Variants in KDM5B observed in about 807,000 individuals in gnomAD.
KDM5B encodes lysine demethylase 5B.
Under a neutral mutation model 193.4 loss-of-function variants are expected in KDM5B, and 144 were observed. That is an observed-to-expected ratio of 0.74 (90% confidence interval 0.65 to 0.86). The LOEUF (loss-of-function observed/expected upper bound fraction) is 0.86. Among genes scored for constraint, KDM5B ranks in the 40% least tolerant of loss-of-function variants. KDM5B has a pLI of 0.00. For synonymous variants in KDM5B, 668 were observed against 682.6 expected, an observed-to-expected ratio of 0.98 and a Z score of 0.33; for missense variants, 1,833 against 1,886.9, an observed-to-expected ratio of 0.97 and a Z score of 0.53.
intron 22 of KDM5B, among the ~76,000 whole-genome samples, chr1:202,734,295 A>AT (rs1253878601): frequency 2.2e-5 from 2 of 90,270 alleles, no homozygotes; most frequent in Non-Finnish European, 5.6e-5. Context: ...CATTATCTCT[A>AT]TTAAAAAAAA....
At chr1:202,747,957 A>C (rs774391569) in intron 14 of KDM5B, among the ~76,000 whole-genome samples, 17 of 152,140 alleles carry the variant, frequency 1.1e-4, no homozygotes, top group Non-Finnish European at 4.4e-5. Context: ...GAGATAAAAC[A>C]ATTTTTTAAA....
intron 1 of KDM5B, among the ~76,000 whole-genome samples, chr1:202,783,778 G>A (rs1268384427): frequency 6.6e-6 from 1 of 152,114 alleles, no homozygotes; most frequent in Non-Finnish European, 1.5e-5. Context: ...CTACTCAGGA[G>A]ACTGAGGTAG....
intron 4 of KDM5B, among the ~76,000 whole-genome samples, chr1:202,772,602 C>T (rs899267563): frequency 5.3e-5 from 8 of 152,186 alleles, no homozygotes; most frequent in African/African-American, 1.4e-4. Context: ...AAAATTTCCT[C>T]CACAATCTTA....
At chr1:202,762,934 A>T (rs1656311810) in intron 6 of KDM5B, 126 bp from the exon 7 acceptor site, 1 of 646,608 alleles carries the variant, frequency 1.5e-6, no homozygotes, top group African/African-American at 1.8e-5. Flanking sequence ...TAGTAGCAAT[A>T]GCACCCAGTA....
At chr1:202,756,641 G>T in intron 9 of KDM5B, 125 bp from the exon 10 acceptor site, 1 of 623,444 alleles carries the variant, frequency 1.6e-6, no homozygotes, top group Non-Finnish European at 2.4e-6. Flanking sequence ...TTCTATAATT[G>T]ATCTTAGGCA....
chr1:202,758,677 TAAGC>T (rs1483323198), intron 8 of KDM5B, among the ~76,000 whole-genome samples, 167 bp from the exon 9 acceptor site: 1 of 152,222 alleles, frequency 6.6e-6, no homozygotes, highest in Non-Finnish European at 1.5e-5. Context: ...GTTATTTTAA[TAAGC>T]AAGTGAAATA....
At chr1:202,799,140 G>A (rs1262669752) in intron 1 of KDM5B, among the ~76,000 whole-genome samples, 1 of 152,136 alleles carries the variant, frequency 6.6e-6, no homozygotes, top group Admixed American at 6.5e-5. Context: ...ATAAAGCTTT[G>A]GGATTTAAGC....
intron 23 of KDM5B, chr1:202,732,182 A>G: frequency 2.2e-6 from 1 of 449,164 alleles, no homozygotes. Flanking sequence ...CAGAGATGTA[A>G]AGAAGGCCAC....
Position 202,745,921 on chromosome 1 carries a change from A to G in KDM5B, c.2260T>C (p.Ser754Pro). The change falls in exon 16 of 27, where the codon TCT becomes CCT. Residue 754 changes from serine (S) to proline (P), a missense_variant. Physicochemically the swap from Ser to Pro is moderately conservative, Grantham distance 74. This residue lies in a region of KDM5B where 1,379 missense variants were observed against 1,349.6 expected (regional missense o/e 1.02). Transcript: ENST00000367265. ...MMNALKLRAE[S>P]YNEWALNVNE... Reference sequence around the variant, plus strand: ...ACATTCAAGGCCCATTCGTTGTAAGATTCTGCTCGAAGCTTCAATGCATTC... The same window carrying G: ...ACATTCAAGGCCCATTCGTTGTAAGGTTCTGCTCGAAGCTTCAATGCATTC... 1 of 1,613,988 alleles carries G rather than the reference A, an allele frequency of 6.2e-7. No homozygotes were observed. Among genetic ancestry groups the G allele is most frequent in the Non-Finnish European group, 8.5e-7 (1 of 1,179,868 alleles).
chr1:202,803,016 T>C (rs1426548982), intron 1 of KDM5B, among the ~76,000 whole-genome samples: 1 of 152,066 alleles, frequency 6.6e-6, no homozygotes, highest in Non-Finnish European at 1.5e-5. Flanking sequence ...AAGACCAGCC[T>C]GGGCAACATA....
In KDM5B at chr1:202,733,481, A is replaced by G; in HGVS notation, c.3829T>C (p.Phe1277Leu). 6.2e-7 allele frequency: 1 copy of G among 1,614,146 alleles called. No homozygotes were observed. Among genetic ancestry groups the G allele is most frequent in the Non-Finnish European group, 8.5e-7 (1 of 1,180,002 alleles). ...QQLLSSGNLKFVQDRVGSGLL... is the reference protein window; with the variant it reads ...QQLLSSGNLKLVQDRVGSGLL... ...CCTGAGCCCACTCGATCTTGCACAA[A>G]TTTAAGATTCCCTGACGAAAGCAGT... Residue 1277 changes from phenylalanine (F) to leucine (L), a missense_variant, in exon 23 of 27, where the codon TTT becomes CTT. Around this residue, in one of 3 missense-constraint regions of KDM5B, gnomAD observed 1,379 missense variants for 1,349.6 expected, o/e 1.02. Coordinates refer to ENST00000367265, the MANE Select transcript of KDM5B (RefSeq NM_006618.5).
Position 202,725,735 on chromosome 1 carries a change from AATAACC to A in KDM5B, c.*3295_*3300del, listed in dbSNP as rs1246684268. On this transcript the variant is annotated 3_prime_UTR_variant, in exon 27 of 27. Transcript: ENST00000367265. ...CTAGTATGTAGTTAGTCTGATAATG[AATAACC>A]AGCTCTGGCTTAATGCTTTACAATG... 1.3e-5 allele frequency: 2 copies of A among 152,378 alleles called. No homozygotes were observed. The highest frequency in any genetic ancestry group is 6.5e-5 in the Admixed American group (1 of 15,312). The allele number at this position is 152,378 out of a possible 1,614,324, so 9.4% of individuals were successfully genotyped here.
Position 202,773,168 on chromosome 1 carries a change from C to A in KDM5B, c.526G>T (p.Glu176Ter). The A allele has an allele frequency of 6.2e-7, 1 of 1,613,826 alleles. No individual in the cohort carries two copies. The highest frequency in any genetic ancestry group is 8.5e-7 in the Non-Finnish European group (1 of 1,179,718). ...AAGTTGTAGGGGTTGAGAATTCGTT[C>A]ATAATGCCCTCTGATATGTGAGCCC... Reference protein sequence around the residue: ...AVGSHIRGHYERILNPYNLFL... With the variant: ...AVGSHIRGHY The change falls in exon 4 of 27, where the codon GAA becomes TAA. Residue 176 changes from glutamate to a stop codon, truncating the protein, a stop_gained. Transcript: ENST00000367265. LOFTEE classifies it high-confidence loss of function.
chr1:202,771,152 TATCTAG>T (rs1181088678), intron 4 of KDM5B, among the ~76,000 whole-genome samples: 1 of 152,226 alleles, frequency 6.6e-6, no homozygotes, highest in Admixed American at 6.5e-5. Flanking sequence ...TGGGCAACTG[TATCTAG>T]ATCTGACTAT....
chr1:202,751,146 TCATAA>T (rs1655773581), intron 12 of KDM5B, among the ~76,000 whole-genome samples: 1 of 152,140 alleles, frequency 6.6e-6, no homozygotes, highest in Non-Finnish European at 1.5e-5. Flanking sequence ...TTCAAGAATC[TCATAA>T]CATACAGAGG....
At chr1:202,758,249 C>A (rs956151636) in intron 9 of KDM5B, 142 bp downstream of exon 9, 2 of 569,312 alleles carry the variant, frequency 3.5e-6, no homozygotes, top group Non-Finnish European at 5.5e-6. Flanking sequence ...TTTTAAATAC[C>A]ACAAAACAAA....
intron 14 of KDM5B, among the ~76,000 whole-genome samples, chr1:202,748,063 C>T (rs1422320236): frequency 6.6e-6 from 1 of 152,068 alleles, no homozygotes; most frequent in African/African-American, 2.4e-5. Context: ...AGAATAGATG[C>T]ATAGATCACC....
chr1:202,725,611 T>C lies in KDM5B; in HGVS notation c.*3425A>G, dbSNP rs1654648963. On this transcript the variant is annotated 3_prime_UTR_variant, in exon 27 of 27. Transcript: ENST00000367265. ...GGGATCTTCATTGCTTTCCTCAGCT[T>C]GTCTTCCCAAGAAGCAATGTTTCAT... 6.6e-6 allele frequency: 1 copy of C among 152,234 alleles called. No homozygotes were observed. Among genetic ancestry groups the C allele is most frequent in the South Asian group, 2.1e-4 (1 of 4,836 alleles). 9.4% of individuals were successfully genotyped at this position (152,234 alleles called of 1,614,324 possible).
At chr1:202,789,150 A>G (rs1657532040) in intron 1 of KDM5B, among the ~76,000 whole-genome samples, 1 of 152,164 alleles carries the variant, frequency 6.6e-6, no homozygotes, top group Non-Finnish European at 1.5e-5. Context: ...TTTGAGCCTC[A>G]AAAAATACTA....
Sources: allele counts gnomAD v4.1 joint callset (sites outside exome capture counted in the v4.1 genomes callset), GRCh38; gene constraint gnomAD v4.1.1; regional missense constraint gnomAD v4.1.1; transcripts MANE v1.5; gene names NCBI Gene and HGNC (gene_info 2026-07-23, HGNC 2026-07-21).